The following TNNI3K variants were observed in gnomAD, a reference collection of about 807,000 sequenced individuals.
The protein encoded by TNNI3K is serine/threonine-protein kinase TNNI3K.
In TNNI3K, 140 loss-of-function variants were observed where a neutral mutation model predicts 114.5. That is an observed-to-expected ratio of 1.22 (90% CI 1.07 to 1.41). TNNI3K has a LOEUF of 1.41. Ranked by LOEUF, TNNI3K falls within the 40% of genes most tolerant of loss-of-function variation. The pLI, the probability that TNNI3K is intolerant of heterozygous loss-of-function variation, is 0.00. For missense variants in TNNI3K, 1,125 were observed against 1,007.6 expected (o/e 1.12, Z -1.58); for synonymous variants, 347 against 347.5 (o/e 1.00, Z 0.02).
At chr1:74,363,948 C>T (rs562305171) in intron 11 of TNNI3K, among the ~76,000 whole-genome samples, 1 of 146,696 alleles carries the variant, frequency 6.8e-6, no homozygotes, top group Non-Finnish European at 1.5e-5. Flanking sequence ...GAATCTGTGA[C>T]TCTAGCAAGG....
intron 20 of TNNI3K, among the ~76,000 whole-genome samples, chr1:74,462,460 C>T (rs997501486): frequency 6.6e-6 from 1 of 152,144 alleles, no homozygotes; most frequent in African/African-American, 2.4e-5. Context: ...GTGTTGATTA[C>T]AGAGTATATT....
rs375950299 is a variant in TNNI3K at position 74,460,232 on chromosome 1, T to G, written c.2012-3209T>G. Among the ~76,000 whole-genome samples the G allele has an allele frequency of 1.1e-4, 17 of 152,266 alleles. No homozygotes were observed. The East Asian group carries it at 1.7e-3, about 16-fold the overall frequency. Reference sequence around the variant, plus strand: ...ACAGGCGCCAGCCACCACGTCCAGCTAATTTTTTGTGTTTTTAGTAGAGAT... The same window carrying G: ...ACAGGCGCCAGCCACCACGTCCAGCGAATTTTTTGTGTTTTTAGTAGAGAT... On this transcript the variant is annotated intron_variant, in intron 20 of 24. Transcript: ENST00000326637.
Position 74,544,001 on chromosome 1 carries a change from T to A in TNNI3K, c.*19T>A. ...CAGCTGACAGCATTCGGCGTATACC[T>A]AAGGAGAGTTTTTTCCCCGAACTGA... is the stretch of plus-strand genomic sequence containing the variant. On this transcript the variant is annotated 3_prime_UTR_variant, in exon 25 of 25. Coordinates refer to ENST00000326637, the MANE Select transcript of TNNI3K (RefSeq NM_015978.3). The A allele has an allele frequency of 6.2e-7, 1 of 1,603,856 alleles. No individual in the cohort carries two copies. Among genetic ancestry groups the A allele is most frequent in the Non-Finnish European group, 8.5e-7 (1 of 1,176,314 alleles).
At chr1:74,350,843 T>G (rs1330680778) in intron 9 of TNNI3K, among the ~76,000 whole-genome samples, 1 of 152,178 alleles carries the variant, frequency 6.6e-6, no homozygotes, top group Non-Finnish European at 1.5e-5. Context: ...ATCCCTTTAT[T>G]TTGAGCCTAT....
At chr1:74,242,831 C>T (rs1390416231) in intron 2 of TNNI3K, among the ~76,000 whole-genome samples, 1 of 152,026 alleles carries the variant, frequency 6.6e-6, no homozygotes, top group African/African-American at 2.4e-5. Context: ...TGAGAAGCAA[C>T]TTGACCTCAA....
At chr1:74,325,316 T>G (rs768632968) in intron 5 of TNNI3K, among the ~76,000 whole-genome samples, 1 of 152,094 alleles carries the variant, frequency 6.6e-6, no homozygotes, top group Non-Finnish European at 1.5e-5. Flanking sequence ...TGTGTCTGAG[T>G]ACTCCCCTTT....
chr1:74,366,019 C>T (rs959602093), intron 11 of TNNI3K, among the ~76,000 whole-genome samples: 2 of 151,102 alleles, frequency 1.3e-5, no homozygotes, highest in East Asian at 3.9e-4. Context: ...TTTGTAAATA[C>T]CATGATTTTT....
chr1:74,304,064 T>C (rs1333652962), intron 5 of TNNI3K, among the ~76,000 whole-genome samples: 1 of 152,186 alleles, frequency 6.6e-6, no homozygotes, highest in Non-Finnish European at 1.5e-5. Flanking sequence ...TAAGATAAAA[T>C]CTACTCCTGG....
intron 2 of TNNI3K, among the ~76,000 whole-genome samples, chr1:74,245,148 G>C (rs1033326551): frequency 3.3e-5 from 5 of 152,220 alleles, no homozygotes; most frequent in African/African-American, 1.2e-4. Flanking sequence ...AAGAAAGGTG[G>C]GGGGAAGTAG....
chr1:74,521,595 G>C (rs45614131), intron 23 of TNNI3K, among the ~76,000 whole-genome samples: 5,916 of 151,864 alleles, frequency 0.039, 382 homozygotes, highest in African/African-American at 0.13. Flanking sequence ...CTTTTTCTGC[G>C]TTCCTTTATT....
At chr1:74,431,597 G>C (rs999277846) in intron 17 of TNNI3K, among the ~76,000 whole-genome samples, 30 of 152,080 alleles carry the variant, frequency 2.0e-4, no homozygotes, top group African/African-American at 7.2e-4. Flanking sequence ...TCTGGGGCAA[G>C]GAGCTGAGGA....
chr1:74,506,435 G>T (rs112884886), intron 23 of TNNI3K, among the ~76,000 whole-genome samples: 8 of 152,162 alleles, frequency 5.3e-5, no homozygotes, highest in African/African-American at 1.7e-4. Context: ...CAAAGCCCAT[G>T]ATTTTTTTAC....
intron 5 of TNNI3K, among the ~76,000 whole-genome samples, chr1:74,307,191 C>T (rs1337336112): frequency 6.6e-6 from 1 of 152,098 alleles, no homozygotes; most frequent in Non-Finnish European, 1.5e-5. Context: ...AAGTACAAAG[C>T]CCACAAACCC....
At position 74,367,254 on chromosome 1, in the gene TNNI3K, A is replaced by G. The variant is rs201223622; in HGVS notation, c.1178-2A>G. 1.2e-6 allele frequency: 2 copies of G among 1,610,966 alleles called. No individual in the cohort carries two copies. Among genetic ancestry groups the G allele is most frequent in the East Asian group, 2.2e-5 (1 of 44,808 alleles). On this transcript the variant is annotated splice_acceptor_variant, in intron 11 of 24. Coordinates refer to ENST00000326637, the MANE Select transcript of TNNI3K (RefSeq NM_015978.3). LOFTEE classifies it high-confidence loss of function. ...CTTTGTTCTTTGTATCTTTTCATAA[A>G]GGGCATGATGCCATTGTCACACTCC...
chr1:74,481,417 T>A (rs1668495750), intron 21 of TNNI3K, among the ~76,000 whole-genome samples: 1 of 152,200 alleles, frequency 6.6e-6, no homozygotes, highest in African/African-American at 2.4e-5. Context: ...ATTTATGCTG[T>A]GAAGTCAATC....
At chr1:74,505,841 T>C (rs994513579) in intron 23 of TNNI3K, among the ~76,000 whole-genome samples, 17 of 152,360 alleles carry the variant, frequency 1.1e-4, no homozygotes, top group Non-Finnish European at 2.9e-5. Flanking sequence ...ATCTTCACCA[T>C]TAATATTTGT....
intron 21 of TNNI3K, among the ~76,000 whole-genome samples, chr1:74,485,120 C>A (rs1668688571): frequency 6.6e-6 from 1 of 152,108 alleles, no homozygotes; most frequent in East Asian, 1.9e-4. Flanking sequence ...TAGTGATAGA[C>A]ATGTAAATAC....
intron 17 of TNNI3K, among the ~76,000 whole-genome samples, chr1:74,408,953 C>G (rs1664750107): frequency 6.7e-6 from 1 of 150,180 alleles, no homozygotes; most frequent in Admixed American, 6.6e-5. Flanking sequence ...ATGTAGAAGA[C>G]TTCAAGAAAG....
chr1:74,265,187 A>G (rs495819), intron 4 of TNNI3K, among the ~76,000 whole-genome samples: 151,703 of 152,110 alleles, frequency 1, 75,650 homozygotes, highest in Middle Eastern at 1. Context: ...TCTAAAAAGC[A>G]TTCTCTGAAA....
Sources: gnomAD v4.1 joint callset for allele counts (sites outside exome capture counted in the v4.1 genomes callset) on GRCh38, gnomAD v4.1.1 for gene constraint, MANE v1.5 for transcripts, NCBI Gene and HGNC (gene_info 2026-07-23, HGNC 2026-07-21) for gene names.